CAPN12: variants seen among roughly 807,000 people sequenced by gnomAD.
CAPN12 encodes the protein calpain 12, also known as calpain-12.
Under a neutral mutation model 95.0 loss-of-function variants are expected in CAPN12, and 107 were observed. The ratio of observed to expected loss-of-function variants is 1.13; its 90% CI spans 0.96 to 1.32. The LOEUF (loss-of-function observed/expected upper bound fraction) is 1.32. Ranked by LOEUF, CAPN12 falls within the 40% of genes most tolerant of loss-of-function variation. CAPN12 has a pLI of 0.00. For synonymous variants in CAPN12, 505 were observed against 415.5 expected (o/e 1.22, Z -2.62); for missense variants, 1,136 against 997.8 (o/e 1.14, Z -1.87).
At position 38,737,588 on chromosome 19, in the gene CAPN12, G is replaced by C; in HGVS notation, c.1016C>G (p.Ser339Trp). Residue 339 changes from serine to tryptophan, a missense_variant, in exon 9 of 21, where the codon TCG (serine) becomes TGG (tryptophan). Coordinates refer to ENST00000328867, the MANE Select transcript of CAPN12 (RefSeq NM_144691.4). Reference sequence around the variant, plus strand: ...GGGGCCCAGCACCTCCGGGCTCAGCGAGCAGATCTGCACGGTGTCGAAATG... The same window carrying C: ...GGGGCCCAGCACCTCCGGGCTCAGCCAGCAGATCTGCACGGTGTCGAAATG... ...LLHFDTVQICSLSPEVLGPSP... is the reference protein window; with the variant it reads ...LLHFDTVQICWLSPEVLGPSP... The C allele has an allele frequency of 1.2e-6, 2 of 1,612,018 alleles. No homozygotes were observed. Among genetic ancestry groups the C allele is most frequent in the Non-Finnish European group, 1.7e-6 (2 of 1,179,690 alleles).
chr19:38,733,096 G>GA (rs138619262), intron 18 of CAPN12: 1 of 71,260 alleles, frequency 1.4e-5, no homozygotes, highest in Non-Finnish European at 5.0e-5. Context: ...ACCACCCTGT[G>GA]TACTAGCTTT....
At position 38,735,350 on chromosome 19, in the gene CAPN12, A is replaced by C. The variant is rs756659639; in HGVS notation, c.1686+20T>G. The stretch of plus-strand genomic sequence containing the variant: ...GGAGGCCGCAGCGGGATACCCCCTC[A>C]GTCCAATCCCCCTCCTCACCTCTCC... On this transcript the variant is annotated intron_variant, in intron 14 of 20. Coordinates refer to ENST00000328867, the MANE Select transcript of CAPN12 (RefSeq NM_144691.4). 6.5e-6 allele frequency: 10 copies of C among 1,548,400 alleles called. No individual in the cohort carries two copies. Among genetic ancestry groups the C allele is most frequent in the Non-Finnish European group, 8.8e-6 (10 of 1,142,060 alleles).
rs370647537 is a variant in CAPN12, at chr19:38,740,042, G to A, written c.729+9C>T. 1.3e-6 allele frequency: 2 copies of A among 1,558,074 alleles called. No individual in the cohort carries two copies. Among genetic ancestry groups the A allele is most frequent in the Non-Finnish European group, 1.7e-6 (2 of 1,151,436 alleles). ...GTGGGGGTTCCGCATGCGAGTCCAG[G>A]TCTCTTACCAGGGCAGTGGCGCCCA... is the stretch of plus-strand genomic sequence containing the variant. On this transcript the variant is annotated intron_variant, in intron 5 of 20. Coordinates refer to ENST00000328867, the MANE Select transcript of CAPN12 (RefSeq NM_144691.4).
intron 2 of CAPN12, 149 bp downstream of exon 2, chr19:38,742,884 A>AGGAG (rs1474851343): frequency 1.4e-5 from 7 of 492,030 alleles, no homozygotes; most frequent in Non-Finnish European, 2.5e-5. Flanking sequence ...GAAGGAAGGA[A>AGGAG]GGAGGGAGGA....
Position 38,744,271 on chromosome 19 carries a change from G to A in CAPN12, c.-106C>T. 1 of 1,038,974 alleles carries A rather than the reference G, an allele frequency of 9.6e-7. No individual in the cohort carries two copies. The highest frequency in any genetic ancestry group is 1.5e-6 in the Non-Finnish European group (1 of 680,234). 64.4% of individuals were successfully genotyped at this position (1,038,974 alleles called of 1,614,324 possible). On this transcript the variant is annotated 5_prime_UTR_variant, in exon 1 of 21. Coordinates refer to ENST00000328867, the MANE Select transcript of CAPN12 (RefSeq NM_144691.4). ...CCCAGTGGGGTCTTTAGGCAATGAG[G>A]AGCCTTCCCTCGTTAATATTAATTG...
chr19:38,744,211 G>C lies in CAPN12; in HGVS notation c.-46C>G, dbSNP rs1161332933. The C allele has an allele frequency of 1.0e-5, 16 of 1,569,420 alleles. No individual in the cohort carries two copies. Among genetic ancestry groups the C allele is most frequent in the Non-Finnish European group, 1.2e-5 (14 of 1,142,792 alleles). Reference sequence around the variant, plus strand: ...CCGGCACCAGGCCCTTTAACCTCCTGAGTCACGGGGGCGGGGCCTCTCTTC... The same window carrying C: ...CCGGCACCAGGCCCTTTAACCTCCTCAGTCACGGGGGCGGGGCCTCTCTTC... On this transcript the variant is annotated 5_prime_UTR_variant, in exon 1 of 21. It introduces an in-frame stop codon into an upstream open reading frame of the 5' UTR. Coordinates refer to ENST00000328867, the MANE Select transcript of CAPN12 (RefSeq NM_144691.4).
At chr19:38,740,264 T>C in intron 4 of CAPN12, 45 bp from the exon 5 acceptor site, 1 of 1,518,384 alleles carries the variant, frequency 6.6e-7, no homozygotes, top group South Asian at 1.3e-5. Context: ...AGTACAAGCG[T>C]CTCAGGCACC....
chr19:38,738,453 C>A lies in CAPN12; in HGVS notation c.855G>T (p.Trp285Cys), dbSNP rs1205490912. 6.2e-7 allele frequency: 1 copy of A among 1,610,450 alleles called. No individual in the cohort carries two copies. The highest frequency in any genetic ancestry group is 2.2e-5 in the East Asian group (1 of 44,846). Residue 285 changes from tryptophan to cysteine, a missense_variant, in exon 7 of 21, where the codon TGG (tryptophan) becomes TGT (cysteine). Trp to Cys is a radical substitution (Grantham distance 215, BLOSUM62 -2). Coordinates refer to ENST00000328867, the MANE Select transcript of CAPN12 (RefSeq NM_144691.4). ...AGGCCCCCGTCCACTCCACGCAGCC[C>A]CATGGGTTCCGCAGCCGCAGCAGCC... ...KVRLLRLRNP[W>C]GCVEWTGAWS...
At chr19:38,740,310 G>A (rs1393442312) in intron 4 of CAPN12, 91 bp from the exon 5 acceptor site, 1 of 1,299,390 alleles carries the variant, frequency 7.7e-7, no homozygotes, top group East Asian at 2.6e-5. Flanking sequence ...GTGTCTCAGG[G>A]TGTGGAATCC....
chr19:38,742,443 G>A lies in CAPN12; in HGVS notation c.393C>T (p.Phe131=), dbSNP rs1970602517. Residue 131 remains phenylalanine (F), a synonymous_variant, in exon 3 of 21, where the codon TTC becomes TTT. Coordinates refer to ENST00000328867, the MANE Select transcript of CAPN12 (RefSeq NM_144691.4). ...GGAAGACGCCTGCGTAGCCATGCTG[G>A]AAATCCTGTCCAGGAGGGACCACCC... The part of the protein sequence containing the change: ...LRRVVPPGQD[F]QHGYAGVFHF... 1 of 1,613,980 alleles carries A rather than the reference G, an allele frequency of 6.2e-7. No individual in the cohort carries two copies. The highest frequency in any genetic ancestry group is 1.7e-5 in the Admixed American group (1 of 59,988).
rs1970141271 is a variant in CAPN12, at chr19:38,736,289, G to A, written c.1404C>T (p.Ser468=). The part of the protein sequence containing the change: ...ELLGLWDSPR[S]HALLPRLLRA... ...GCAGCAGCCGGGGCAGGAGCGCATG[G>A]CTGCGCGGGGAATCCCAGAGGCCCA... Residue 468 remains serine, a synonymous_variant, in exon 12 of 21, where the codon AGC becomes AGT. Transcript: ENST00000328867. The A allele has an allele frequency of 2.8e-6, 4 of 1,443,440 alleles. No individual in the cohort carries two copies. The highest frequency in any genetic ancestry group is 3.6e-6 in the Non-Finnish European group (4 of 1,105,682). 89.4% of individuals were successfully genotyped at this position (1,443,440 alleles called of 1,614,324 possible).
Position 38,730,855 on chromosome 19 carries a change from G to C in CAPN12, c.2157C>G (p.Ser719=). 6.4e-7 allele frequency: 1 copy of C among 1,551,188 alleles called. No homozygotes were observed. Among genetic ancestry groups the C allele is most frequent in the Non-Finnish European group, 8.7e-7 (1 of 1,147,318 alleles). The change falls in exon 21 of 21, where the codon TCC becomes TCG. Residue 719 remains serine (S), a synonymous_variant. Transcript: ENST00000328867. ...CAGGTGCGCCCATCCGGAGATCCTA[G>C]GAGAAGGTGGCCACCTCCATCCACT... ...HRQWMEVATF[S]
Position 38,740,310 on chromosome 19 carries a change from G to T in CAPN12, c.561-91C>A. ...GATCTGCAGGGGCCTGTGTCTCAGG[G>T]TGTGGAATCCCCAGGGGAAATTCCT... On this transcript the variant is annotated intron_variant, in intron 4 of 20. Coordinates refer to ENST00000328867, the MANE Select transcript of CAPN12 (RefSeq NM_144691.4). 2 of 1,299,388 alleles carry T rather than the reference G, an allele frequency of 1.5e-6. 1 individual carries two copies. The highest frequency in any genetic ancestry group is 3.1e-5 in the South Asian group (2 of 64,050). The allele number at this position is 1,299,388 out of a possible 1,614,324, so 80.5% of individuals were successfully genotyped here.
rs138146145 is a variant in CAPN12, at chr19:38,736,758, G to A, written c.1363-195C>T. The A allele has an allele frequency of 2.3e-4, 154 of 656,744 alleles. 1 individual carries two copies. In the African/African-American group the frequency reaches 2.5e-3, roughly 11 times the overall value. 40.7% of individuals were successfully genotyped at this position (656,744 alleles called of 1,614,324 possible). On this transcript the variant is annotated intron_variant, in intron 10 of 20. Coordinates refer to ENST00000328867, the MANE Select transcript of CAPN12 (RefSeq NM_144691.4). ...CCCCAACTCTTCCTTCCCCATCTGC[G>A]CTCCCAGCGCCTTCTCTGTATCCTT... is the stretch of plus-strand genomic sequence containing the variant.
rs2145197105 is a variant in CAPN12, at chr19:38,736,229, G to A, written c.1464C>T (p.Asp488=). 5.3e-6 allele frequency: 8 copies of A among 1,495,848 alleles called. No individual in the cohort carries two copies. The highest frequency in any genetic ancestry group is 2.8e-5 in the East Asian group (1 of 36,154). The allele number at this position is 1,495,848 out of a possible 1,614,324, so 92.7% of individuals were successfully genotyped here. ...ADRSPLSARR[D]VTRRCCLRPG... ...GACGCAGGCAGCAGCGGCGGGTCAC[G>A]TCGCGGCGGGCGCTGAGGGGCGAGC... Residue 488 remains aspartate, a synonymous_variant, in exon 12 of 21, where the codon GAC becomes GAT. Transcript: ENST00000328867.
chr19:38,740,907 G>A (rs1970508460), intron 4 of CAPN12, among the ~76,000 whole-genome samples: 1 of 152,192 alleles, frequency 6.6e-6, no homozygotes, highest in African/African-American at 2.4e-5. Flanking sequence ...CTTCGGTTTG[G>A]TGGGGGGCAT....
Position 38,730,802 on chromosome 19 carries a change from T to G in CAPN12, c.*50A>C, listed in dbSNP as rs1282858270. 3.2e-6 allele frequency: 5 copies of G among 1,548,540 alleles called. No individual in the cohort carries two copies. The highest frequency in any genetic ancestry group is 2.4e-5 in the East Asian group (1 of 40,922). ...TGCCAGGCAAGGCCTAGGGAGGTGG[T>G]CTTGCTCAGCAACCCTGCCCTGAGC... On this transcript the variant is annotated 3_prime_UTR_variant, in exon 21 of 21. Coordinates refer to ENST00000328867, the MANE Select transcript of CAPN12 (RefSeq NM_144691.4).
In CAPN12 at chr19:38,731,171, A is replaced by C. The variant is rs1480002668; in HGVS notation, c.2010T>G (p.Asp670Glu). The C allele has an allele frequency of 1.2e-6, 2 of 1,613,068 alleles. No individual in the cohort carries two copies. The highest frequency in any genetic ancestry group is 4.5e-5 in the East Asian group (2 of 44,890). ...LTQTLTSRYR[D>E]SRLRVDFERF... is the part of the protein sequence containing the mutation. Reference sequence around the variant, plus strand: ...GCTCGAAGTCCACACGCAGACGGCTATCCCGGTAGCGGCTGGTGAGGGTCT... The same window carrying C: ...GCTCGAAGTCCACACGCAGACGGCTCTCCCGGTAGCGGCTGGTGAGGGTCT... Residue 670 changes from aspartate to glutamate, a missense_variant, in exon 19 of 21, where the codon GAT becomes GAG. By Grantham distance (45) the Asp-to-Glu change is conservative. Coordinates refer to ENST00000328867, the MANE Select transcript of CAPN12 (RefSeq NM_144691.4).
chr19:38,731,273 G>T, intron 18 of CAPN12, 50 bp from the exon 19 acceptor site: 1 of 1,436,512 alleles, frequency 7.0e-7, no homozygotes, highest in Non-Finnish European at 9.8e-7. Context: ...AACCCACCTT[G>T]GCATTGCATC....
Sources: allele counts gnomAD v4.1 joint callset (sites outside exome capture counted in the v4.1 genomes callset), GRCh38; gene constraint gnomAD v4.1.1; transcripts MANE v1.5; gene names NCBI Gene and HGNC (gene_info 2026-07-23, HGNC 2026-07-21).